PCDHA10: variants seen among roughly 807,000 people sequenced by gnomAD.
PCDHA10 encodes protocadherin alpha-10.
Under a neutral mutation model 61.2 loss-of-function variants are expected in PCDHA10, and 45 were observed. The ratio of observed to expected loss-of-function variants is 0.74; its 90% CI spans 0.58 to 0.94. The LOEUF is 0.94. PCDHA10 is among the 40% of genes least tolerant of loss of function. The pLI, the probability that PCDHA10 is intolerant of heterozygous loss-of-function variation, is 0.00. For synonymous variants in PCDHA10, 602 were observed against 548.8 expected, an observed-to-expected ratio of 1.10 and a Z score of -1.35; for missense variants, 1,278 against 1,236.2, an observed-to-expected ratio of 1.03 and a Z score of -0.51.
intron 1 of PCDHA10, chr5:140,860,355 TG>T (rs1218123475): frequency 1.3e-5 from 2 of 152,074 alleles, no homozygotes; most frequent in African/African-American, 2.4e-5. Context: ...CACTCCAGCC[TG>T]GATGACAAAG....
In PCDHA10 at chr5:140,869,783, G is replaced by A. The variant is rs990827650; in HGVS notation, c.2388+11347G>A. The A allele has an allele frequency of 1.2e-5, 19 of 1,612,688 alleles. No homozygotes were observed. In the African/African-American group the frequency reaches 1.2e-4, roughly 10 times the overall value. ...AAACCAGAGCTTACTGGCACCGTTC[G>A]GCTGTTAGTCCAAGTCTTGGATGTC... On this transcript the variant is annotated intron_variant, in intron 1 of 3. Coordinates refer to ENST00000307360, the MANE Select transcript of PCDHA10 (RefSeq NM_018901.4).
rs782061637 is a variant in PCDHA10, at chr5:140,858,071, C to T, written c.2023C>T (p.Pro675Ser). The T allele has an allele frequency of 6.3e-7, 1 of 1,597,680 alleles. No homozygotes were observed. Among genetic ancestry groups the T allele is most frequent in the Admixed American group, 1.7e-5 (1 of 59,268 alleles). The change falls in exon 1 of 4, where the codon CCC becomes TCC. Residue 675 changes from proline to serine, a missense_variant. Transcript: ENST00000307360. ...LVSLVEGSQAPKASSRASVGV... is the reference protein window; with the variant it reads ...LVSLVEGSQASKASSRASVGV... ...GTCGCTTGTGGAGGGCAGCCAGGCA[C>T]CCAAGGCCTCGTCGCGGGCTTCAGT...
chr5:140,953,881 A>G (rs1481970999), intron 1 of PCDHA10, among the ~76,000 whole-genome samples: 2 of 152,130 alleles, frequency 1.3e-5, no homozygotes, highest in Non-Finnish European at 2.9e-5. Flanking sequence ...AGATCAACCC[A>G]TCACCTAGGT....
chr5:140,894,293 T>A (rs782004160), intron 1 of PCDHA10, among the ~76,000 whole-genome samples: 1 of 152,100 alleles, frequency 6.6e-6, no homozygotes, highest in Non-Finnish European at 1.5e-5. Context: ...TGAAGTTTAT[T>A]TTCCTGGAAA....
At position 140,876,284 on chromosome 5, in the gene PCDHA10, A is replaced by C. The variant is rs781831935; in HGVS notation, c.2388+17848A>C. 1.7e-5 allele frequency: 27 copies of C among 1,613,954 alleles called. No homozygotes were observed. The highest frequency in any genetic ancestry group is 2.3e-5 in the Non-Finnish European group (27 of 1,179,908). ...CAACTAAATGCTTCCGATCCAGACG[A>C]AGGACTTAATGGAGAAATTTCCTAT... On this transcript the variant is annotated intron_variant, in intron 1 of 3. Transcript: ENST00000307360.
intron 1 of PCDHA10, chr5:140,929,499 C>T: frequency 1.0e-6 from 1 of 980,264 alleles, no homozygotes; most frequent in Non-Finnish European, 1.4e-6. Context: ...GAAGATTGCC[C>T]TAGGCCTCAA....
At chr5:140,968,116 A>C in intron 1 of PCDHA10, 1 of 1,614,174 alleles carries the variant, frequency 6.2e-7, no homozygotes, top group South Asian at 1.1e-5. Context: ...CGCAGCTCAC[A>C]TCCCTGCGTA....
intron 1 of PCDHA10, chr5:140,927,024 G>A (rs1554203920): frequency 6.2e-7 from 1 of 1,612,408 alleles, no homozygotes. Flanking sequence ...CGGACTTGAG[G>A]CTGCCAGCGG....
At chr5:140,966,679 G>A (rs1554228549) in intron 1 of PCDHA10, 1 of 1,317,562 alleles carries the variant, frequency 7.6e-7, no homozygotes, top group Non-Finnish European at 9.8e-7. Flanking sequence ...AGGGTGGCAC[G>A]AGCGGAGGCG....
At chr5:140,966,709 G>T in intron 1 of PCDHA10, 2 of 1,387,174 alleles carry the variant, frequency 1.4e-6, no homozygotes, top group Non-Finnish European at 1.9e-6. Flanking sequence ...CGTGGGGCAC[G>T]GCTGGGGAAG....
intron 1 of PCDHA10, among the ~76,000 whole-genome samples, chr5:140,895,467 T>A (rs1201680855): frequency 6.6e-6 from 1 of 152,204 alleles, no homozygotes. Flanking sequence ...CATTTCTTTA[T>A]CCTCTTCGGA....
At chr5:140,875,588 C>T in intron 1 of PCDHA10, 1 of 1,613,954 alleles carries the variant, frequency 6.2e-7, no homozygotes, top group Non-Finnish European at 8.5e-7. Flanking sequence ...TACGAGGAGG[C>T]CAAACACGGC....
Position 141,010,149 on chromosome 5 carries a change from C to T in PCDHA10, c.*212C>T. 6.3e-7 allele frequency: 1 copy of T among 1,580,088 alleles called. No individual in the cohort carries two copies. Among genetic ancestry groups the T allele is most frequent in the Non-Finnish European group, 8.6e-7 (1 of 1,161,942 alleles). On this transcript the variant is annotated 3_prime_UTR_variant, in exon 4 of 4. Transcript: ENST00000307360. ...GTCTGGTGTTAACTCTTTCTCTCCA[C>T]TCTGGCTTGTTTTCAGAACCTAAAA...
At chr5:140,973,263 A>G (rs1458697392) in intron 1 of PCDHA10, among the ~76,000 whole-genome samples, 1 of 152,136 alleles carries the variant, frequency 6.6e-6, no homozygotes, top group Admixed American at 6.5e-5. Flanking sequence ...AGTGGCACCT[A>G]CTTTTATTTC....
intron 1 of PCDHA10, chr5:140,928,429 T>A: frequency 6.2e-7 from 1 of 1,614,146 alleles, no homozygotes; most frequent in Non-Finnish European, 8.5e-7. Flanking sequence ...CAAAACTTCC[T>A]TTGACTTTGA....
At chr5:140,956,504 T>C (rs577559329) in intron 1 of PCDHA10, among the ~76,000 whole-genome samples, 1 of 152,352 alleles carries the variant, frequency 6.6e-6, no homozygotes, top group South Asian at 2.1e-4. Context: ...TGAAGCCTAC[T>C]TGATCATGGT....
chr5:140,869,238 G>A (rs1430399840), intron 1 of PCDHA10: 1 of 1,613,534 alleles, frequency 6.2e-7, no homozygotes, highest in African/African-American at 1.3e-5. Flanking sequence ...GCACCTTCGT[G>A]GGCCGCATCG....
chr5:140,877,815 A>T (rs782076422), intron 1 of PCDHA10: 21 of 1,609,380 alleles, frequency 1.3e-5, no homozygotes, highest in Non-Finnish European at 1.7e-5. Context: ...TGTCTCGAGA[A>T]GATTGTTTAA....
At chr5:140,933,901 CAT>C (rs1354614736) in intron 1 of PCDHA10, among the ~76,000 whole-genome samples, 33 of 151,882 alleles carry the variant, frequency 2.2e-4, no homozygotes, top group African/African-American at 7.7e-4. Flanking sequence ...AATATTTTGG[CAT>C]AAAGTTGTTT....
Sources: allele counts gnomAD v4.1 joint callset (sites outside exome capture counted in the v4.1 genomes callset), GRCh38; gene constraint gnomAD v4.1.1; transcripts MANE v1.5; gene names NCBI Gene and HGNC (gene_info 2026-07-23, HGNC 2026-07-21).